SH3PXD2A: variants seen among roughly 807,000 people sequenced by gnomAD.
The protein encoded by SH3PXD2A is SH3 and PX domain-containing protein 2A.
SH3PXD2A carries 32 observed loss-of-function variants against 115.2 expected under a neutral mutation model. That is an observed-to-expected ratio of 0.28 (90% CI 0.21 to 0.37). The LOEUF is 0.37. Among genes scored for constraint, SH3PXD2A ranks in the 10% least tolerant of loss-of-function variants. SH3PXD2A has a pLI of 1.00. For missense variants in SH3PXD2A, 1,328 were observed against 1,498.7 expected, an observed-to-expected ratio of 0.89 and a Z score of 1.88; for synonymous variants, 610 against 629.1, an observed-to-expected ratio of 0.97 and a Z score of 0.45.
intron 3 of SH3PXD2A, among the ~76,000 whole-genome samples, chr10:103,742,981 G>A (rs980755919): frequency 3.9e-5 from 6 of 152,132 alleles, no homozygotes; most frequent in African/African-American, 1.4e-4. Flanking sequence ...ATGCTCGTGG[G>A]GTGATAAGAC....
At chr10:103,694,361 C>T (rs2037800284) in intron 5 of SH3PXD2A, among the ~76,000 whole-genome samples, 1 of 152,134 alleles carries the variant, frequency 6.6e-6, no homozygotes, top group Non-Finnish European at 1.5e-5. Flanking sequence ...CAGAGTCATC[C>T]TCATGGAGGC....
chr10:103,695,786 C>T lies in SH3PXD2A; in HGVS notation c.399-2730G>A, dbSNP rs115937955. Among the ~76,000 whole-genome samples the T allele has an allele frequency of 5.4e-3, 822 of 152,326 alleles. 6 individuals carry two copies. The highest frequency in any genetic ancestry group is 0.018 in the African/African-American group (760 of 41,578). ...AAACATTTATGCTCAGTAAGAACAACGTGCTTGTAGTGCTGAAGGAGCCTC... is the reference window on the plus strand; with the variant it reads ...AAACATTTATGCTCAGTAAGAACAATGTGCTTGTAGTGCTGAAGGAGCCTC... On this transcript the variant is annotated intron_variant, in intron 5 of 14. Coordinates refer to ENST00000369774, the MANE Select transcript of SH3PXD2A (RefSeq NM_001394015.1).
At chr10:103,672,212 G>A (rs2037473432) in intron 6 of SH3PXD2A, among the ~76,000 whole-genome samples, 1 of 152,212 alleles carries the variant, frequency 6.6e-6, no homozygotes, top group Non-Finnish European at 1.5e-5. Context: ...TTTAACCCGG[G>A]AGGCAGAAGG....
chr10:103,741,910 C>T (rs990455647), intron 3 of SH3PXD2A, among the ~76,000 whole-genome samples: 9 of 152,064 alleles, frequency 5.9e-5, no homozygotes, highest in Non-Finnish European at 8.8e-5. Flanking sequence ...TTTGGGAGGC[C>T]GAGGCTGGAG....
intron 4 of SH3PXD2A, among the ~76,000 whole-genome samples, chr10:103,725,401 G>A (rs2038228705): frequency 6.6e-6 from 1 of 152,098 alleles, no homozygotes; most frequent in Non-Finnish European, 1.5e-5. Flanking sequence ...TGCAGGGTTT[G>A]GACAAGCAGA....
chr10:103,602,723 C>T lies in SH3PXD2A; in HGVS notation c.2495G>A (p.Cys832Tyr), dbSNP rs772003670. Residue 832 changes from cysteine (C) to tyrosine (Y), a missense_variant, in exon 15 of 15, where the codon TGT becomes TAT. Physicochemically the swap from Cys to Tyr is radical, Grantham distance 194. Transcript: ENST00000369774. ...CCCTTCCCATTCCTTCTTGGTGGGA[C>T]ATGGGGGAGTGGTGGCTGGGAGGGT... ...LITLPATTPPCPTKKEWEGPA... is the reference protein window; with the variant it reads ...LITLPATTPPYPTKKEWEGPA... 1.1e-5 allele frequency: 18 copies of T among 1,614,002 alleles called. No individual in the cohort carries two copies. Among genetic ancestry groups the T allele is most frequent in the East Asian group, 2.2e-5 (1 of 44,890 alleles).
intron 1 of SH3PXD2A, among the ~76,000 whole-genome samples, chr10:103,804,622 G>A (rs762527523): frequency 2.4e-4 from 36 of 152,010 alleles, no homozygotes; most frequent in Non-Finnish European, 2.5e-4. Context: ...TCATCTGACC[G>A]GTTGACACCA....
At chr10:103,753,012 C>A (rs1259813066) in intron 3 of SH3PXD2A, among the ~76,000 whole-genome samples, 3 of 152,016 alleles carry the variant, frequency 2.0e-5, no homozygotes, top group Admixed American at 2.0e-4. Flanking sequence ...CATTGATCAA[C>A]CTCTAATATG....
At position 103,599,715 on chromosome 10, in the gene SH3PXD2A, A is replaced by G. The variant is rs982152937; in HGVS notation, c.*2101T>C. 2.6e-5 allele frequency: 4 copies of G among 152,662 alleles called. No homozygotes were observed. The highest frequency in any genetic ancestry group is 5.9e-5 in the Non-Finnish European group (4 of 68,048). The allele number at this position is 152,662 out of a possible 1,614,324, so 9.5% of individuals were successfully genotyped here. A position where few individuals can be genotyped will look rare whatever the true frequency, so the allele number is the denominator to read the frequency against. ...CCACTTCTTTATCATTATTGTTCAA[A>G]TAAGTACAAATAATATTAACATGAA... is the stretch of plus-strand genomic sequence containing the variant. On this transcript the variant is annotated 3_prime_UTR_variant, in exon 15 of 15. Coordinates refer to ENST00000369774, the MANE Select transcript of SH3PXD2A (RefSeq NM_001394015.1).
intron 13 of SH3PXD2A, among the ~76,000 whole-genome samples, chr10:103,608,410 A>C (rs2036368523): frequency 6.7e-6 from 1 of 148,512 alleles, no homozygotes; most frequent in Admixed American, 6.7e-5. Flanking sequence ...CCCAAAAATA[A>C]AGACACCATT....
At chr10:103,847,149 T>G (rs1842854983) in intron 1 of SH3PXD2A, among the ~76,000 whole-genome samples, 1 of 152,150 alleles carries the variant, frequency 6.6e-6, no homozygotes, top group African/African-American at 2.4e-5. Context: ...AGCATTGCAT[T>G]TACTTATTTG....
At chr10:103,840,384 T>C (rs1394063271) in intron 1 of SH3PXD2A, among the ~76,000 whole-genome samples, 1 of 152,018 alleles carries the variant, frequency 6.6e-6, no homozygotes, top group Non-Finnish European at 1.5e-5. Flanking sequence ...GGCGGCCACA[T>C]ACACCAAGCC....
rs1207799254 is a variant in SH3PXD2A, at chr10:103,599,079, G to A, written c.*2737C>T. Reference sequence around the variant, plus strand: ...ACACAATAAACTATAATGGCAGTGAGGAGGAGCACGGGATTAATGTAGTGG... The same window carrying A: ...ACACAATAAACTATAATGGCAGTGAAGAGGAGCACGGGATTAATGTAGTGG... On this transcript the variant is annotated 3_prime_UTR_variant, in exon 15 of 15. Transcript: ENST00000369774. 6.6e-6 allele frequency: 1 copy of A among 152,582 alleles called. No individual in the cohort carries two copies. The highest frequency in any genetic ancestry group is 6.5e-5 in the Admixed American group (1 of 15,272). The allele number at this position is 152,582 out of a possible 1,614,324, so 9.5% of individuals were successfully genotyped here. A position where few individuals can be genotyped will look rare whatever the true frequency, so the allele number is the denominator to read the frequency against.
At chr10:103,804,346 G>A (rs2039177476) in intron 1 of SH3PXD2A, among the ~76,000 whole-genome samples, 1 of 131,872 alleles carries the variant, frequency 7.6e-6, no homozygotes, top group Non-Finnish European at 1.6e-5. Flanking sequence ...TTTTGAGACG[G>A]AGTCTGTCTC....
intron 1 of SH3PXD2A, among the ~76,000 whole-genome samples, chr10:103,810,749 G>A (rs2039257956): frequency 6.6e-6 from 1 of 152,104 alleles, no homozygotes; most frequent in African/African-American, 2.4e-5. Context: ...CCCATTTGCC[G>A]TGAGACTTGG....
chr10:103,651,764 TC>T (rs1375338820), intron 8 of SH3PXD2A, among the ~76,000 whole-genome samples: 1 of 151,552 alleles, frequency 6.6e-6, no homozygotes, highest in Non-Finnish European at 1.5e-5. Flanking sequence ...AAGTCCAAAA[TC>T]CCCCCCTCTT....
intron 3 of SH3PXD2A, 68 bp downstream of exon 3, chr10:103,767,026 C>T (rs530045711): frequency 1.9e-5 from 23 of 1,198,508 alleles, no homozygotes; most frequent in Middle Eastern, 2.0e-4. Context: ...GTACTCTTCT[C>T]GGCCTAAGGG....
intron 10 of SH3PXD2A, among the ~76,000 whole-genome samples, chr10:103,619,372 T>G (rs75577686): frequency 0.026 from 4,003 of 152,326 alleles, 71 homozygotes; most frequent in South Asian, 0.046. Flanking sequence ...AATCCAGGAT[T>G]CTGAGGTTAG....
intron 1 of SH3PXD2A, among the ~76,000 whole-genome samples, chr10:103,844,040 G>A (rs1416672827): frequency 6.6e-6 from 1 of 152,240 alleles, no homozygotes; most frequent in Non-Finnish European, 1.5e-5. Context: ...CTTGCTTCAA[G>A]TTGCCAATGA....
Sources: allele counts gnomAD v4.1 joint callset (sites outside exome capture counted in the v4.1 genomes callset), GRCh38; gene constraint gnomAD v4.1.1; transcripts MANE v1.5; gene names NCBI Gene and HGNC (gene_info 2026-07-23, HGNC 2026-07-21).